SULF2: variants seen among roughly 807,000 people sequenced by gnomAD.
SULF2 encodes sulfatase 2, also known as extracellular sulfatase Sulf-2.
In SULF2, 52 loss-of-function variants were observed where a neutral mutation model predicts 107.7. The observed-to-expected ratio is 0.48, with a 90% CI of 0.39 to 0.61. The LOEUF (loss-of-function observed/expected upper bound fraction) is 0.61, where lower values mean the gene tolerates loss of function less well. Ranked by LOEUF, SULF2 falls within the 20% of genes least tolerant of loss-of-function variation. The probability of loss-of-function intolerance (pLI) is 0.00; values close to 1 mark genes in which losing one functional copy is unlikely to be tolerated. For missense variants in SULF2, 993 were observed against 1,177.3 expected, an observed-to-expected ratio of 0.84 and a Z score of 2.29; for synonymous variants, 460 against 464.3, an observed-to-expected ratio of 0.99 and a Z score of 0.12.
chr20:47,684,629 AC>A, intron 5 of SULF2, 48 bp from the exon 6 acceptor site: 1 of 1,586,218 alleles, frequency 6.3e-7, no homozygotes. Context: ...GACAGCCTGG[AC>A]CCTGCCTGGC....
At chr20:47,749,532 T>G (rs1215670731) in intron 2 of SULF2, among the ~76,000 whole-genome samples, 1 of 152,258 alleles carries the variant, frequency 6.6e-6, no homozygotes, top group Non-Finnish European at 1.5e-5. Flanking sequence ...AAGTTACCAC[T>G]GATCTGGTGT....
intron 2 of SULF2, among the ~76,000 whole-genome samples, chr20:47,745,643 C>G (rs934345820): frequency 6.6e-6 from 1 of 151,622 alleles, no homozygotes; most frequent in African/African-American, 2.4e-5. Flanking sequence ...ATTCTCCTGC[C>G]TCAGCCTCCT....
At chr20:47,659,892 T>C (rs960846575) in intron 18 of SULF2, among the ~76,000 whole-genome samples, 162 bp from the exon 19 acceptor site, 3 of 152,200 alleles carry the variant, frequency 2.0e-5, no homozygotes, top group African/African-American at 7.2e-5. Flanking sequence ...GACTGAATTA[T>C]GAGGGGAACC....
At chr20:47,750,521 T>C (rs2090137081) in intron 2 of SULF2, among the ~76,000 whole-genome samples, 1 of 152,216 alleles carries the variant, frequency 6.6e-6, no homozygotes. Context: ...TGGGCTCATC[T>C]CATGCGTGGA....
At chr20:47,733,506 C>A (rs2089662330) in intron 3 of SULF2, among the ~76,000 whole-genome samples, 1 of 152,242 alleles carries the variant, frequency 6.6e-6, no homozygotes, top group Non-Finnish European at 1.5e-5. Context: ...GGTGCGTTGG[C>A]TCATGCATGT....
At position 47,696,408 on chromosome 20, in the gene SULF2, C is replaced by CG. The variant is rs200925813; in HGVS notation, c.567+6110_567+6111insC. On this transcript the variant is annotated intron_variant, in intron 4 of 20. Coordinates refer to ENST00000688720, the MANE Select transcript of SULF2 (RefSeq NM_001387048.1). ...GATTAGATTACTCCTTACCACCCCC[C>CG]CACCCCCATAACCTTGGCTCTTCTG... Among the ~76,000 whole-genome samples the CG allele has an allele frequency of 6.3e-4, 95 of 151,892 alleles. 1 individual carries two copies. The East Asian group carries it at 0.015, about 24-fold the overall frequency.
intron 8 of SULF2, 112 bp from the exon 9 acceptor site, chr20:47,677,246 T>C: frequency 1.7e-6 from 2 of 1,182,966 alleles, no homozygotes; most frequent in South Asian, 1.3e-5. Context: ...ACGGTCAGCC[T>C]GGACAGCAAT....
rs768847008 is a variant in SULF2, at chr20:47,666,313, G to A, written c.1752C>T (p.Gly584=). 6 of 1,614,130 alleles carry A rather than the reference G, an allele frequency of 3.7e-6. No individual in the cohort carries two copies. The highest frequency in any genetic ancestry group is 2.2e-5 in the East Asian group (1 of 44,904). ...QDDKDGGDFS[G]TGGLPDYSAA... ...CTGAGTAGTCGGGAAGGCCTCCAGTGCCACTGAAGTCCCCACCATCCTTGT... is the reference window on the plus strand; with the variant it reads ...CTGAGTAGTCGGGAAGGCCTCCAGTACCACTGAAGTCCCCACCATCCTTGT... Residue 584 remains glycine (G), a synonymous_variant, in exon 12 of 21, where the codon GGC becomes GGT. Transcript: ENST00000688720. The surrounding 1 kb of genome is among the most constrained non-coding windows in gnomAD (Gnocchi z 5.4).
chr20:47,672,837 CCT>C (rs2087523098), intron 10 of SULF2, among the ~76,000 whole-genome samples: 1 of 152,200 alleles, frequency 6.6e-6, no homozygotes, highest in African/African-American at 2.4e-5. Context: ...CTCCCTCAGC[CCT>C]CTCTCCAGTA....
Position 47,680,085 on chromosome 20 carries a change from A to G in SULF2, c.1065-1281T>C. 6.6e-6 allele frequency among the ~76,000 whole-genome samples: 1 copy of G among 152,146 alleles called. No individual in the cohort carries two copies. The highest frequency in any genetic ancestry group is 1.9e-4 in the East Asian group (1 of 5,192). ...GTAAATATTGGCTAAGTGAATTCCC[A>G]TACATCTGCCACCTTTCCTGGCTCC... On this transcript the variant is annotated intron_variant, in intron 7 of 20. Coordinates refer to ENST00000688720, the MANE Select transcript of SULF2 (RefSeq NM_001387048.1). The surrounding 1 kb of genome is among the most constrained non-coding windows in gnomAD (Gnocchi z 4.2).
Position 47,658,231 on chromosome 20 carries a change from G to A in SULF2, c.*131C>T. 1 of 864,726 alleles carries A rather than the reference G, an allele frequency of 1.2e-6. No homozygotes were observed. The highest frequency in any genetic ancestry group is 1.4e-5 in the South Asian group (1 of 72,568). The allele number at this position is 864,726 out of a possible 1,614,324, so 53.6% of individuals were successfully genotyped here. On this transcript the variant is annotated 3_prime_UTR_variant, in exon 21 of 21. Coordinates refer to ENST00000688720, the MANE Select transcript of SULF2 (RefSeq NM_001387048.1). ...CTCCAGAATCTGTCATGTTGACTGA[G>A]AGTGCGTGCTTGCTTTCTCAGGCCT...
Position 47,663,452 on chromosome 20 carries a change from C to T in SULF2, c.2227+1G>A, listed in dbSNP as rs780788160. 3 of 1,607,526 alleles carry T rather than the reference C, an allele frequency of 1.9e-6. No individual in the cohort carries two copies. The highest frequency in any genetic ancestry group is 2.2e-5 in the East Asian group (1 of 44,888). On this transcript the variant is annotated splice_donor_variant, in intron 16 of 20. Transcript: ENST00000688720. LOFTEE classifies it high-confidence loss of function. ...TCCACCCCTGCCCTGGGCTTGCTCA[C>T]GTGTCCAGAAAGGCGCCGTCTGCCA...
chr20:47,707,177 T>G (rs1379798617), intron 3 of SULF2, among the ~76,000 whole-genome samples: 1 of 151,948 alleles, frequency 6.6e-6, no homozygotes, highest in Non-Finnish European at 1.5e-5. Flanking sequence ...TTAGTAGAGA[T>G]AGGGTTTCAC....
intron 3 of SULF2, among the ~76,000 whole-genome samples, chr20:47,711,534 A>G (rs1198312354): frequency 6.6e-6 from 1 of 152,224 alleles, no homozygotes; most frequent in Non-Finnish European, 1.5e-5. Context: ...TCTGGCTGGA[A>G]ATACCAACAG....
At chr20:47,751,185 T>C (rs1390882782) in intron 2 of SULF2, among the ~76,000 whole-genome samples, 1 of 152,226 alleles carries the variant, frequency 6.6e-6, no homozygotes, top group African/African-American at 2.4e-5. Flanking sequence ...GGTCCACAGT[T>C]TGAGCAGCTG....
At chr20:47,741,970 C>T (rs1600624377) in intron 2 of SULF2, among the ~76,000 whole-genome samples, 1 of 152,332 alleles carries the variant, frequency 6.6e-6, no homozygotes, top group East Asian at 1.9e-4. Context: ...CCTCCTCATT[C>T]CAGAGGAAGC....
intron 13 of SULF2, among the ~76,000 whole-genome samples, chr20:47,665,539 G>A (rs966551664): frequency 8.5e-5 from 13 of 152,222 alleles, no homozygotes; most frequent in African/African-American, 3.1e-4. Context: ...CCTGGCCTGC[G>A]CAGGAACCCG....
In SULF2 at chr20:47,658,319, A is replaced by C. The variant is rs755682922; in HGVS notation, c.*43T>G. 2.5e-6 allele frequency: 4 copies of C among 1,608,420 alleles called. No homozygotes were observed. The highest frequency in any genetic ancestry group is 3.3e-4 in the Middle Eastern group (2 of 6,052). On this transcript the variant is annotated 3_prime_UTR_variant, in exon 21 of 21. Transcript: ENST00000688720. The stretch of plus-strand genomic sequence containing the variant: ...ATGGTTTTTCATTGCCTGTGCAGTC[A>C]GGTGATGCCTCTATGTTTTTGGAGG...
chr20:47,747,018 T>TATATACAC (rs1232551264), intron 2 of SULF2, among the ~76,000 whole-genome samples: 365 of 75,030 alleles, frequency 4.9e-3, no homozygotes, highest in African/African-American at 0.012. Context: ...TATATATATA[T>TATATACAC]ACACACACAC....
Sources: gnomAD v4.1 joint callset for allele counts (sites outside exome capture counted in the v4.1 genomes callset) on GRCh38, gnomAD v4.1.1 for gene constraint, Gnocchi (gnomAD v3.1) non-coding constraint, MANE v1.5 for transcripts, NCBI Gene and HGNC (gene_info 2026-07-23, HGNC 2026-07-21) for gene names.